Variants in TFPI observed in about 807,000 individuals in gnomAD.
TFPI encodes the protein tissue factor pathway inhibitor, also known as anti-convertin.
In TFPI, 15 loss-of-function variants were observed where a neutral mutation model predicts 34.6. The ratio of observed to expected loss-of-function variants is 0.43; its 90% CI spans 0.29 to 0.67. The LOEUF (loss-of-function observed/expected upper bound fraction) is 0.67. Ranked by LOEUF, TFPI falls within the 30% of genes least tolerant of loss-of-function variation. The pLI is 0.15. For missense variants in TFPI, 301 were observed against 364.0 expected (o/e 0.83, Z 1.41); for synonymous variants, 105 against 120.1 (o/e 0.87, Z 0.82).
intron 6 of TFPI, among the ~76,000 whole-genome samples, chr2:187,476,298 C>A (rs2105974579): frequency 6.6e-6 from 1 of 152,256 alleles, no homozygotes; most frequent in South Asian, 2.1e-4. Flanking sequence ...CCCCACTCCA[C>A]TGTGTCCCTA....
At chr2:187,550,693 A>G (rs1406309231) in intron 1 of TFPI, among the ~76,000 whole-genome samples, 1 of 152,204 alleles carries the variant, frequency 6.6e-6, no homozygotes, top group Non-Finnish European at 1.5e-5. Context: ...CATATGTCCA[A>G]AAAACTAGAG....
chr2:187,494,714 A>C (rs1298137381), intron 3 of TFPI, among the ~76,000 whole-genome samples: 1 of 152,090 alleles, frequency 6.6e-6, no homozygotes, highest in African/African-American at 2.4e-5. Context: ...ACATTCATAC[A>C]ATAATTGCAA....
intron 1 of TFPI, among the ~76,000 whole-genome samples, chr2:187,534,547 C>A (rs564182754): frequency 1.3e-5 from 2 of 152,270 alleles, no homozygotes; most frequent in Non-Finnish European, 2.9e-5. Flanking sequence ...CCAAGCTTGC[C>A]TTACAAGAGC....
chr2:187,533,068 G>C (rs764558504), intron 1 of TFPI, among the ~76,000 whole-genome samples: 2 of 152,200 alleles, frequency 1.3e-5, no homozygotes, highest in Non-Finnish European at 2.9e-5. Flanking sequence ...GCCCCAGTCA[G>C]GGGCTTATAG....
chr2:187,547,441 G>A (rs897747207), intron 1 of TFPI: 1 of 152,102 alleles, frequency 6.6e-6, no homozygotes, highest in Non-Finnish European at 1.5e-5. Context: ...ATGTGAAAAA[G>A]CTAAGAATTC....
chr2:187,502,690 T>C (rs1051596616), intron 2 of TFPI, among the ~76,000 whole-genome samples: 2 of 152,102 alleles, frequency 1.3e-5, no homozygotes, highest in African/African-American at 4.8e-5. Flanking sequence ...TTCTGTCACT[T>C]TGTGTACTAC....
At chr2:187,521,693 C>T (rs1200198764) in intron 1 of TFPI, among the ~76,000 whole-genome samples, 2 of 151,984 alleles carry the variant, frequency 1.3e-5, no homozygotes, top group African/African-American at 2.4e-5. Flanking sequence ...CTCAGCATCC[C>T]GAGTAGCTGG....
Position 187,469,987 on chromosome 2 carries a change from A to T in TFPI, c.629-2055T>A, listed in dbSNP as rs118070787. On this transcript the variant is annotated intron_variant, in intron 6 of 7. Coordinates refer to ENST00000233156, the MANE Select transcript of TFPI (RefSeq NM_006287.6). ...TATTAATTGCCACCACTTTGATCTC[A>T]TGAGCTTCCAGTTATCACCTATGTT... 7.9e-4 allele frequency among the ~76,000 whole-genome samples: 120 copies of T among 152,266 alleles called. No individual in the cohort carries two copies. In the East Asian group the frequency reaches 0.022, roughly 28 times the overall value.
intron 1 of TFPI, among the ~76,000 whole-genome samples, chr2:187,522,317 C>G (rs1687423694): frequency 6.6e-6 from 1 of 151,944 alleles, no homozygotes; most frequent in Non-Finnish European, 1.5e-5. Context: ...ATGCTTTTGT[C>G]TAGAAGTTTT....
At chr2:187,481,578 T>C (rs1337200265) in intron 6 of TFPI, among the ~76,000 whole-genome samples, 1 of 148,284 alleles carries the variant, frequency 6.7e-6, no homozygotes, top group Non-Finnish European at 1.5e-5. Flanking sequence ...CCTTATGCCA[T>C]CCTTAATATC....
intron 6 of TFPI, among the ~76,000 whole-genome samples, chr2:187,478,387 CAG>C (rs371856945): frequency 4.6e-5 from 7 of 151,986 alleles, no homozygotes; most frequent in Non-Finnish European, 1.0e-4. Flanking sequence ...AAAAACAAAA[CAG>C]AACAAAACAA....
At chr2:187,539,757 G>A (rs1688468788) in intron 1 of TFPI, among the ~76,000 whole-genome samples, 1 of 152,164 alleles carries the variant, frequency 6.6e-6, no homozygotes, top group Non-Finnish European at 1.5e-5. Context: ...AAAAGAAATG[G>A]TGGAGGAGAG....
At chr2:187,549,586 A>G (rs1689020791) in intron 1 of TFPI, among the ~76,000 whole-genome samples, 1 of 152,098 alleles carries the variant, frequency 6.6e-6, no homozygotes, top group Non-Finnish European at 1.5e-5. Context: ...TAATGAACCA[A>G]TAAACTTCTT....
chr2:187,531,567 A>G (rs1046728151), intron 1 of TFPI, among the ~76,000 whole-genome samples: 5 of 152,242 alleles, frequency 3.3e-5, no homozygotes, highest in African/African-American at 1.2e-4. Flanking sequence ...TCGATAGCAT[A>G]TTCCTCTTTT....
chr2:187,531,789 T>G (rs961115126), intron 1 of TFPI, among the ~76,000 whole-genome samples: 2 of 152,170 alleles, frequency 1.3e-5, no homozygotes, highest in South Asian at 4.1e-4. Context: ...AGCATTCTAT[T>G]TGATATTATT....
At chr2:187,476,749 A>G (rs1283189334) in intron 6 of TFPI, among the ~76,000 whole-genome samples, 1 of 152,190 alleles carries the variant, frequency 6.6e-6, no homozygotes, top group Non-Finnish European at 1.5e-5. Context: ...AAGTTTGTCT[A>G]AGCTATTTCT....
chr2:187,497,881 G>T (rs1452302973), intron 2 of TFPI, among the ~76,000 whole-genome samples: 1 of 151,728 alleles, frequency 6.6e-6, no homozygotes, highest in Non-Finnish European at 1.5e-5. Context: ...TACCAGTAAA[G>T]ATAGACACTG....
chr2:187,503,482 C>A (rs1685987578), intron 2 of TFPI, among the ~76,000 whole-genome samples, 166 bp downstream of exon 2: 1 of 151,600 alleles, frequency 6.6e-6, no homozygotes, highest in Non-Finnish European at 1.5e-5. Flanking sequence ...CACACACACA[C>A]ACACACACAC....
At chr2:187,543,259 A>G (rs949889484) in intron 1 of TFPI, among the ~76,000 whole-genome samples, 2 of 152,228 alleles carry the variant, frequency 1.3e-5, no homozygotes, top group African/African-American at 2.4e-5. Flanking sequence ...ATTTTAAACA[A>G]TGTAGATTTC....
Sources: allele counts gnomAD v4.1 joint callset (sites outside exome capture counted in the v4.1 genomes callset), GRCh38; gene constraint gnomAD v4.1.1; transcripts MANE v1.5; gene names NCBI Gene and HGNC (gene_info 2026-07-23, HGNC 2026-07-21).